DLG2: variants seen among roughly 807,000 people sequenced by gnomAD.
DLG2 encodes disks large homolog 2.
In DLG2, 45 loss-of-function variants were observed where a neutral mutation model predicts 132.5. That is an observed-to-expected ratio of 0.34 (90% confidence interval 0.27 to 0.44). The LOEUF (loss-of-function observed/expected upper bound fraction) is 0.44. Ranked by LOEUF, DLG2 falls within the 20% of genes least tolerant of loss-of-function variation. The pLI is 1.00. For synonymous variants in DLG2, 424 were observed against 419.6 expected (o/e 1.01, Z -0.13); for missense variants, 1,045 against 1,196.9 (o/e 0.87, Z 1.87).
chr11:85,124,499 GTAT>G (rs1483104462), intron 5 of DLG2, among the ~76,000 whole-genome samples: 5 of 152,142 alleles, frequency 3.3e-5, no homozygotes, highest in African/African-American at 1.2e-4. Flanking sequence ...TGATAAGCCA[GTAT>G]TATTACCCCA....
In DLG2 at chr11:84,981,868, G is replaced by A. The variant is rs968462148; in HGVS notation, c.357+129793C>T. Among the ~76,000 whole-genome samples the A allele has an allele frequency of 2.2e-4, 33 of 151,876 alleles. No individual in the cohort carries two copies. The East Asian group carries it at 4.1e-3, about 19-fold the overall frequency. ...TCAGGCATCTACCCCCTCACTCCAC[G>A]CAAAGAGCTCTCATTAAGTTTACCA... is the stretch of plus-strand genomic sequence containing the variant. On this transcript the variant is annotated intron_variant, in intron 6 of 27. Transcript: ENST00000376104.
intron 7 of DLG2, among the ~76,000 whole-genome samples, chr11:84,488,608 A>AT (rs1170782869): frequency 6.6e-6 from 1 of 152,092 alleles, no homozygotes; most frequent in Non-Finnish European, 1.5e-5. Context: ...GGACACTTGC[A>AT]AGACAGCTTA....
At chr11:84,017,567 T>G (rs2095250345) in intron 11 of DLG2, among the ~76,000 whole-genome samples, 1 of 152,036 alleles carries the variant, frequency 6.6e-6, no homozygotes, top group Non-Finnish European at 1.5e-5. Flanking sequence ...ATATTTTAAT[T>G]TCATTTATTT....
intron 14 of DLG2, among the ~76,000 whole-genome samples, chr11:83,956,753 A>G (rs2086960812): frequency 6.6e-6 from 1 of 152,252 alleles, no homozygotes; most frequent in South Asian, 2.1e-4. Flanking sequence ...AAGAGAGGCT[A>G]GAACATGCTT....
chr11:83,524,684 CT>C (rs2140695822), intron 21 of DLG2, among the ~76,000 whole-genome samples: 1 of 152,316 alleles, frequency 6.6e-6, no homozygotes, highest in Non-Finnish European at 1.5e-5. Context: ...TCCAACTTCT[CT>C]GCGTTATCTC....
intron 10 of DLG2, among the ~76,000 whole-genome samples, chr11:84,098,035 CTT>C (rs35298703): frequency 3.4e-4 from 41 of 121,808 alleles, no homozygotes; most frequent in Admixed American, 1.8e-3. Flanking sequence ...CACCATGTGC[CTT>C]TTTTTTTTTT....
chr11:84,373,251 A>AAAAC (rs2098713791), intron 7 of DLG2, among the ~76,000 whole-genome samples: 1 of 75,792 alleles, frequency 1.3e-5, no homozygotes, highest in African/African-American at 4.7e-5. Context: ...GAAACAGTCA[A>AAAAC]AAAAAAAAAA....
At chr11:85,466,211 C>T (rs1204285539) in intron 3 of DLG2, among the ~76,000 whole-genome samples, 2 of 152,092 alleles carry the variant, frequency 1.3e-5, no homozygotes, top group Non-Finnish European at 2.9e-5. Context: ...TGGATATTAG[C>T]CCTTTGTCAG....
Position 83,755,927 on chromosome 11 carries a change from G to T in DLG2, c.1825+30763C>A, listed in dbSNP as rs557945510. ...AATTACAAATCACTACAAGCTATGGGCCTTATGAGTTACACTCAAATAGTT... is the reference window on the plus strand; with the variant it reads ...AATTACAAATCACTACAAGCTATGGTCCTTATGAGTTACACTCAAATAGTT... On this transcript the variant is annotated intron_variant, in intron 18 of 27. Transcript: ENST00000376104. Among the ~76,000 whole-genome samples the T allele has an allele frequency of 8.6e-4, 130 of 151,436 alleles. 5 individuals are homozygous for T. The highest frequency in any genetic ancestry group is 3.1e-3 in the African/African-American group (128 of 40,766).
chr11:84,895,297 G>T, intron 6 of DLG2, among the ~76,000 whole-genome samples: 1 of 152,054 alleles, frequency 6.6e-6, no homozygotes, highest in South Asian at 2.1e-4. Context: ...ACAAAGCAAT[G>T]GTTAGTTATT....
At chr11:84,396,432 T>G (rs1247992232) in intron 7 of DLG2, among the ~76,000 whole-genome samples, 2 of 152,238 alleles carry the variant, frequency 1.3e-5, no homozygotes, top group Non-Finnish European at 1.5e-5. Flanking sequence ...TGTTTTTCCA[T>G]AAGAAACATC....
intron 18 of DLG2, among the ~76,000 whole-genome samples, chr11:83,749,358 A>G (rs2093151556): frequency 6.6e-6 from 1 of 152,208 alleles, no homozygotes; most frequent in Non-Finnish European, 1.5e-5. Context: ...GTCAGGATAC[A>G]GGGGTCATTT....
At chr11:84,653,398 T>C (rs2099684459) in intron 6 of DLG2, among the ~76,000 whole-genome samples, 2 of 152,186 alleles carry the variant, frequency 1.3e-5, no homozygotes, top group African/African-American at 2.4e-5. Context: ...TACCTTGAAA[T>C]CCCTGCAATC....
intron 6 of DLG2, among the ~76,000 whole-genome samples, chr11:84,606,630 A>G (rs996995626): frequency 6.6e-6 from 1 of 152,178 alleles, no homozygotes; most frequent in Non-Finnish European, 1.5e-5. Flanking sequence ...GAAACTGTCT[A>G]AATTCCTTTT....
At chr11:83,781,149 G>A (rs765852561) in intron 18 of DLG2, among the ~76,000 whole-genome samples, 12 of 152,146 alleles carry the variant, frequency 7.9e-5, no homozygotes, top group Non-Finnish European at 1.3e-4. Context: ...TGCCTGCATA[G>A]CTTACTCCCT....
At chr11:83,683,694 C>T (rs1330407711) in intron 18 of DLG2, among the ~76,000 whole-genome samples, 1 of 151,986 alleles carries the variant, frequency 6.6e-6, no homozygotes, top group Admixed American at 6.6e-5. Flanking sequence ...AGTATGTACC[C>T]CCAAATGGTT....
rs544635295 is a variant in DLG2, at chr11:84,505,205, C to T, written c.519+29365G>A. 5.8e-4 allele frequency among the ~76,000 whole-genome samples: 88 copies of T among 152,220 alleles called. 1 individual carries two copies. In the Middle Eastern group the frequency reaches 0.01, roughly 18 times the overall value. The stretch of plus-strand genomic sequence containing the variant: ...GTAGCAATGCAACAATGGTAGGCGA[C>T]CCTTCCCACAAATTTGGTATAAGGT... On this transcript the variant is annotated intron_variant, in intron 7 of 27. Coordinates refer to ENST00000376104, the MANE Select transcript of DLG2 (RefSeq NM_001142699.3).
intron 6 of DLG2, among the ~76,000 whole-genome samples, chr11:85,028,865 C>T (rs1276811963): frequency 2.0e-5 from 3 of 152,154 alleles, no homozygotes; most frequent in Non-Finnish European, 4.4e-5. Context: ...GGCTGGGCTC[C>T]TGCCTGTTCC....
chr11:83,837,225 T>C (rs933753086), intron 16 of DLG2, among the ~76,000 whole-genome samples: 3 of 152,056 alleles, frequency 2.0e-5, no homozygotes, highest in Admixed American at 1.3e-4. Context: ...CTGGTTCCCA[T>C]CAATATTAGG....
Sources: gnomAD v4.1 joint callset for allele counts (sites outside exome capture counted in the v4.1 genomes callset) on GRCh38, gnomAD v4.1.1 for gene constraint, MANE v1.5 for transcripts, NCBI Gene and HGNC (gene_info 2026-07-23, HGNC 2026-07-21) for gene names.